WWOX: variants seen among roughly 807,000 people sequenced by gnomAD.
WWOX encodes the protein WW domain containing oxidoreductase, also known as WW domain-containing oxidoreductase.
In WWOX, 69 loss-of-function variants were observed where a neutral mutation model predicts 46.2. The ratio of observed to expected loss-of-function variants is 1.49; its 90% CI spans 1.23 to 1.82. The LOEUF (loss-of-function observed/expected upper bound fraction) is 1.82. Ranked by LOEUF, WWOX falls within the 40% of genes most tolerant of loss-of-function variation. WWOX has a pLI of 0.00. For synonymous variants in WWOX, 359 were observed against 202.6 expected (o/e 1.77, Z -6.56); for missense variants, 919 against 542.6 (o/e 1.69, Z -6.89).
intron 8 of WWOX, among the ~76,000 whole-genome samples, chr16:79,071,146 T>A (rs938479532): frequency 2.0e-5 from 3 of 152,312 alleles, no homozygotes; most frequent in South Asian, 2.1e-4. Context: ...AGGCTAGCAG[T>A]TTTTAATCAA....
intron 5 of WWOX, among the ~76,000 whole-genome samples, chr16:78,364,007 A>G (rs560677397): frequency 6.6e-6 from 1 of 152,196 alleles, no homozygotes; most frequent in Admixed American, 6.5e-5. Flanking sequence ...AAAACAATTT[A>G]ATAAATGCTT....
At chr16:79,055,270 A>AT (rs67334536) in intron 8 of WWOX, among the ~76,000 whole-genome samples, 9,326 of 152,252 alleles carry the variant, frequency 0.061, 889 homozygotes, top group African/African-American at 0.21. Flanking sequence ...TTAACATTAC[A>AT]TTTTGCTGAG....
intron 8 of WWOX, among the ~76,000 whole-genome samples, chr16:79,040,554 G>A (rs904571418): frequency 3.9e-5 from 6 of 152,136 alleles, no homozygotes; most frequent in African/African-American, 4.8e-5. Context: ...GGGCTTACAG[G>A]TATCAGCCAC....
intron 8 of WWOX, among the ~76,000 whole-genome samples, chr16:78,949,772 A>T (rs2046021496): frequency 1.3e-5 from 2 of 152,206 alleles, no homozygotes; most frequent in African/African-American, 2.4e-5. Context: ...CTCTTGAAGG[A>T]TTGAACGCCT....
chr16:78,879,889 AG>A (rs1475851394), intron 8 of WWOX, among the ~76,000 whole-genome samples: 1 of 128,086 alleles, frequency 7.8e-6, no homozygotes, highest in African/African-American at 2.9e-5. Context: ...AAAAAAAAAA[AG>A]AAGAAGAAGA....
chr16:78,580,930 C>A (rs1298934157), intron 8 of WWOX, among the ~76,000 whole-genome samples: 1 of 152,142 alleles, frequency 6.6e-6, no homozygotes, highest in Non-Finnish European at 1.5e-5. Flanking sequence ...AATTTAGTAG[C>A]CAGCTAAAGG....
At chr16:78,286,303 G>C (rs28566703) in intron 5 of WWOX, among the ~76,000 whole-genome samples, 1 of 152,140 alleles carries the variant, frequency 6.6e-6, no homozygotes, top group African/African-American at 2.4e-5. Context: ...GTTGCCCAGT[G>C]GGCGAAAAAT....
chr16:78,822,135 C>G (rs759678624), intron 8 of WWOX, among the ~76,000 whole-genome samples: 2 of 152,066 alleles, frequency 1.3e-5, no homozygotes, highest in African/African-American at 2.4e-5. Flanking sequence ...CTTGGCCTCC[C>G]AAAGTGCTGG....
At chr16:78,307,573 A>G (rs118001666) in intron 5 of WWOX, among the ~76,000 whole-genome samples, 1 of 152,344 alleles carries the variant, frequency 6.6e-6, no homozygotes, top group Non-Finnish European at 1.5e-5. Flanking sequence ...AGAAGGAACC[A>G]GCTGTGCTGA....
chr16:78,469,959 C>T (rs748386775), intron 8 of WWOX, among the ~76,000 whole-genome samples: 5 of 152,178 alleles, frequency 3.3e-5, no homozygotes, highest in South Asian at 2.1e-4. Flanking sequence ...TATGTTGGTA[C>T]GTTATTGAAG....
intron 5 of WWOX, among the ~76,000 whole-genome samples, chr16:78,380,702 A>T (rs926162358): frequency 6.6e-6 from 1 of 152,132 alleles, no homozygotes; most frequent in Non-Finnish European, 1.5e-5. Flanking sequence ...CTTTAGATAC[A>T]TTGCCTGACT....
rs1488867910 is a variant in WWOX at position 78,342,336 on chromosome 16, C to T, written c.517-44524C>T. ...CAGTGTGAGTTGGCTGGAAGGTCCACCCTACACAACCACTCGTGAAGGCAG... is the reference window on the plus strand; with the variant it reads ...CAGTGTGAGTTGGCTGGAAGGTCCATCCTACACAACCACTCGTGAAGGCAG... On this transcript the variant is annotated intron_variant, in intron 5 of 8. Coordinates refer to ENST00000566780, the MANE Select transcript of WWOX (RefSeq NM_016373.4). Among the ~76,000 whole-genome samples, 2 of 120,764 alleles carry T rather than the reference C, an allele frequency of 1.7e-5. 1 individual carries two copies. The highest frequency in any genetic ancestry group is 5.6e-5 in the African/African-American group (2 of 35,594). The allele number at this position is 120,764 out of a possible 152,430, so 79.2% of individuals were successfully genotyped here.
At chr16:78,475,881 T>C (rs551564875) in intron 8 of WWOX, among the ~76,000 whole-genome samples, 8 of 152,280 alleles carry the variant, frequency 5.3e-5, no homozygotes, top group Non-Finnish European at 1.0e-4. Context: ...ATTTTAAAAC[T>C]CTACCTTTTA....
At chr16:78,829,699 A>T (rs1302188359) in intron 8 of WWOX, among the ~76,000 whole-genome samples, 1 of 152,182 alleles carries the variant, frequency 6.6e-6, no homozygotes, top group Non-Finnish European at 1.5e-5. Context: ...TTCCCCTAAC[A>T]GGTCTAGGAG....
intron 8 of WWOX, among the ~76,000 whole-genome samples, chr16:79,137,528 G>A (rs564144202): frequency 1.3e-5 from 2 of 152,182 alleles, no homozygotes; most frequent in South Asian, 4.1e-4. Flanking sequence ...TGGACCCGTG[G>A]CATTGTCCCG....
At chr16:78,836,522 C>A (rs1264041276) in intron 8 of WWOX, among the ~76,000 whole-genome samples, 3 of 152,126 alleles carry the variant, frequency 2.0e-5, no homozygotes, top group Admixed American at 6.5e-5. Flanking sequence ...TGCCCCTTGC[C>A]ATGTTTAGTA....
At chr16:78,538,775 T>C (rs1451262977) in intron 8 of WWOX, among the ~76,000 whole-genome samples, 1 of 152,252 alleles carries the variant, frequency 6.6e-6, no homozygotes, top group Non-Finnish European at 1.5e-5. Context: ...GCATTTTCTT[T>C]CTGCTACCTT....
At chr16:78,171,742 A>T (rs1342372323) in intron 5 of WWOX, among the ~76,000 whole-genome samples, 1 of 152,170 alleles carries the variant, frequency 6.6e-6, no homozygotes, top group East Asian at 1.9e-4. Flanking sequence ...TCTGTATAGT[A>T]TTGGATTTTC....
At chr16:78,310,996 G>A (rs764658233) in intron 5 of WWOX, among the ~76,000 whole-genome samples, 19 of 152,188 alleles carry the variant, frequency 1.2e-4, no homozygotes, top group Non-Finnish European at 2.6e-4. Context: ...TGCCTGCGTG[G>A]CTTAGAGGAA....
Sources: gnomAD v4.1 joint callset for allele counts (sites outside exome capture counted in the v4.1 genomes callset) on GRCh38, gnomAD v4.1.1 for gene constraint, MANE v1.5 for transcripts, NCBI Gene and HGNC (gene_info 2026-07-23, HGNC 2026-07-21) for gene names.